The following NUP98 variants were observed in gnomAD, a reference collection of about 807,000 sequenced individuals.
NUP98 encodes nucleoporin 98 and 96 precursor.
In NUP98, 26 loss-of-function variants were observed where a neutral mutation model predicts 191.9. The ratio of observed to expected loss-of-function variants is 0.14; its 90% CI spans 0.10 to 0.19. The LOEUF (loss-of-function observed/expected upper bound fraction) is 0.19. Among genes scored for constraint, NUP98 ranks in the 10% least tolerant of loss-of-function variants. The pLI is 1.00. For missense variants in NUP98, 1,941 were observed against 2,178.8 expected, an observed-to-expected ratio of 0.89 and a Z score of 2.17; for synonymous variants, 808 against 778.4, an observed-to-expected ratio of 1.04 and a Z score of -0.63.
intron 7 of NUP98, among the ~76,000 whole-genome samples, chr11:3,769,598 G>C (rs79357425): frequency 3.3e-5 from 4 of 121,348 alleles, no homozygotes; most frequent in Non-Finnish European, 6.8e-5. Flanking sequence ...AAAAAAAAAA[G>C]CATACTAAAC....
At position 3,688,820 on chromosome 11, in the gene NUP98, C is replaced by CATATACATATAT. The variant is rs1388681065; in HGVS notation, c.4454+2526_4454+2527insATATATGTATAT. Among the ~76,000 whole-genome samples, 263 of 136,256 alleles carry CATATACATATAT rather than the reference C, an allele frequency of 1.9e-3. 2 individuals carry two copies. The highest frequency in any genetic ancestry group is 7.1e-3 in the African/African-American group (252 of 35,652). 89.4% of individuals were successfully genotyped at this position (136,256 alleles called of 152,430 possible). ...AAATATATATATGTATTTAAATATA[C>CATATACATATAT]ATATATATATATATATATATATTTA... On this transcript the variant is annotated intron_variant, in intron 28 of 32. Coordinates refer to ENST00000324932, the MANE Select transcript of NUP98 (RefSeq NM_016320.5).
intron 4 of NUP98, among the ~76,000 whole-genome samples, chr11:3,776,747 C>T (rs947761268): frequency 6.6e-5 from 10 of 151,214 alleles, no homozygotes; most frequent in East Asian, 3.9e-4. Context: ...CCACCTATGC[C>T]TCCCAAAGTG....
Position 3,706,515 on chromosome 11 carries a change from T to C in NUP98, c.2855A>G (p.Glu952Gly). ...LDTMLEESMP[E>G]DQEPVSASTH... ...TGAGGCAGACACAGGTTCCTGATCC[T>C]CAGGCATGCTCTCTTCTAACATGGT... Residue 952 changes from glutamate (E) to glycine (G), a missense_variant, in exon 21 of 33, where the codon GAG becomes GGG. Physicochemically the swap from Glu to Gly is moderately conservative, Grantham distance 98 (BLOSUM62 -2). Transcript: ENST00000324932. 1 of 1,614,178 alleles carries C rather than the reference T, an allele frequency of 6.2e-7. No individual in the cohort carries two copies. Among genetic ancestry groups the C allele is most frequent in the Non-Finnish European group, 8.5e-7 (1 of 1,180,012 alleles).
At chr11:3,762,149 G>A (rs533414461) in intron 9 of NUP98, among the ~76,000 whole-genome samples, 4 of 152,100 alleles carry the variant, frequency 2.6e-5, no homozygotes, top group Non-Finnish European at 4.4e-5. Context: ...TGCTCTTGTT[G>A]CCCAGGCTAG....
intron 4 of NUP98, among the ~76,000 whole-genome samples, chr11:3,777,008 T>C (rs940553657): frequency 6.6e-6 from 1 of 152,200 alleles, no homozygotes; most frequent in Non-Finnish European, 1.5e-5. Context: ...TCTGAAAACA[T>C]CTTGTCACAG....
Position 3,768,562 on chromosome 11 carries a change from T to C in NUP98, c.948+19A>G. On this transcript the variant is annotated intron_variant, in intron 8 of 32. Transcript: ENST00000324932. ...TCTAAAAATAAGACATGGAGGTAAGTAAGGGTCTGTTTCCTTACCATGGTG... is the reference window on the plus strand; with the variant it reads ...TCTAAAAATAAGACATGGAGGTAAGCAAGGGTCTGTTTCCTTACCATGGTG... 3 of 1,536,812 alleles carry C rather than the reference T, an allele frequency of 2.0e-6. No homozygotes were observed. Among genetic ancestry groups the C allele is most frequent in the Non-Finnish European group, 1.8e-6 (2 of 1,139,760 alleles).
At chr11:3,745,555 TA>T (rs1056297597) in intron 11 of NUP98, among the ~76,000 whole-genome samples, 1 of 152,000 alleles carries the variant, frequency 6.6e-6, no homozygotes, top group East Asian at 1.9e-4. Context: ...TTGGCATTAT[TA>T]AAAAAAATTC....
At position 3,735,264 on chromosome 11, in the gene NUP98, C is replaced by G; in HGVS notation, c.1469G>C (p.Ser490Thr). Residue 490 changes from serine (S) to threonine (T), a missense_variant, in exon 13 of 33, where the codon AGT becomes ACT. By Grantham distance (58) the Ser-to-Thr change is moderately conservative. Transcript: ENST00000324932. ...GTCTCCAAAAGGTGAGTATGTTAGA[C>G]TATTGATGTGCTGCTGGAGAACAGC... The part of the protein sequence containing the change: ...QQAVLQQHIN[S>T]LTYSPFGDSP... 2 of 1,595,126 alleles carry G rather than the reference C, an allele frequency of 1.3e-6. No homozygotes were observed. The highest frequency in any genetic ancestry group is 1.7e-6 in the Non-Finnish European group (2 of 1,169,136).
chr11:3,723,982 A>G (rs922608615), intron 15 of NUP98, among the ~76,000 whole-genome samples: 2 of 152,038 alleles, frequency 1.3e-5, no homozygotes, highest in Non-Finnish European at 2.9e-5. Flanking sequence ...GTTATCTTAC[A>G]TTCACAATAA....
chr11:3,765,801 C>CAA (rs368424606), intron 8 of NUP98, among the ~76,000 whole-genome samples: 1,796 of 115,188 alleles, frequency 0.016, 29 homozygotes, highest in African/African-American at 0.038. Flanking sequence ...GACTCTGTCT[C>CAA]AAAAAAAAAA....
At chr11:3,749,646 T>C (rs998625755) in intron 11 of NUP98, among the ~76,000 whole-genome samples, 1 of 151,380 alleles carries the variant, frequency 6.6e-6, no homozygotes, top group African/African-American at 2.4e-5. Context: ...AAATAAAATA[T>C]AAATTAACAA....
chr11:3,728,282 C>T (rs1725937053), intron 14 of NUP98, among the ~76,000 whole-genome samples: 1 of 152,090 alleles, frequency 6.6e-6, no homozygotes, highest in African/African-American at 2.4e-5. Context: ...CCTTTGAGGA[C>T]TTTATATGCC....
At chr11:3,790,360 A>C (rs1471199026) in intron 1 of NUP98, among the ~76,000 whole-genome samples, 2 of 152,162 alleles carry the variant, frequency 1.3e-5, no homozygotes, top group Non-Finnish European at 2.9e-5. Flanking sequence ...GTAGAACCCC[A>C]CCAGCTCTGC....
At chr11:3,759,706 G>A (rs981991733) in intron 10 of NUP98, among the ~76,000 whole-genome samples, 4 of 151,986 alleles carry the variant, frequency 2.6e-5, no homozygotes, top group African/African-American at 7.2e-5. Context: ...AATCTTTTCT[G>A]TATTTTCCAG....
Position 3,700,824 on chromosome 11 carries a change from T to C in NUP98, c.3528A>G (p.Pro1176=), listed in dbSNP as rs757232452. Residue 1176 remains proline (P), a synonymous_variant, in exon 24 of 33, where the codon CCA becomes CCG. Transcript: ENST00000324932. ...PVAVKPLTES[P]FKVHLEKLSL... ...TGAGTTTTTCTAAGTGAACTTTGAA[T>C]GGGGACTCAGTTAGGCTACAAGAGC... 6.2e-7 allele frequency: 1 copy of C among 1,613,370 alleles called. No individual in the cohort carries two copies. The highest frequency in any genetic ancestry group is 8.5e-7 in the Non-Finnish European group (1 of 1,179,442).
chr11:3,743,728 C>G (rs7941146), intron 12 of NUP98, among the ~76,000 whole-genome samples: 68,400 of 150,302 alleles, frequency 0.46, 15,997 homozygotes, highest in African/African-American at 0.55. Context: ...CTGGCAAAGT[C>G]TGGAAGGTGG....
intron 25 of NUP98, 161 bp downstream of exon 25, chr11:3,698,921 A>G (rs1477098857): frequency 2.6e-6 from 2 of 756,812 alleles, no homozygotes; most frequent in Non-Finnish European, 4.4e-6. Flanking sequence ...ATTTTATGTT[A>G]TATTACATAT....
intron 20 of NUP98, among the ~76,000 whole-genome samples, chr11:3,708,101 A>G (rs1304296126): frequency 6.6e-6 from 1 of 152,184 alleles, no homozygotes; most frequent in African/African-American, 2.4e-5. Context: ...TCCCATCTCA[A>G]AAAGAAAAAT....
chr11:3,676,367 T>A lies in NUP98; in HGVS notation c.5195A>T (p.Lys1732Ile), dbSNP rs79768363. ...KDRLAQSDMA[K>I]RVANLLRVVL... ...CACGCGCAGCAGGTTGGCTACACGTTTGGCCATGTCTAGAGAGAAAAACTA... is the reference window on the plus strand; with the variant it reads ...CACGCGCAGCAGGTTGGCTACACGTATGGCCATGTCTAGAGAGAAAAACTA... Residue 1732 changes from lysine (K) to isoleucine (I), a missense_variant, in exon 33 of 33, where the codon AAA becomes ATA. Coordinates refer to ENST00000324932, the MANE Select transcript of NUP98 (RefSeq NM_016320.5). 338 of 1,613,916 alleles carry A rather than the reference T, an allele frequency of 2.1e-4. No individual in the cohort carries two copies. The African/African-American group carries it at 3.8e-3, about 18-fold the overall frequency.
Sources: gnomAD v4.1 joint callset for allele counts (sites outside exome capture counted in the v4.1 genomes callset) on GRCh38, gnomAD v4.1.1 for gene constraint, MANE v1.5 for transcripts, NCBI Gene and HGNC (gene_info 2026-07-23, HGNC 2026-07-21) for gene names.